PPP1R42: variants seen among roughly 807,000 people sequenced by gnomAD.
The protein encoded by PPP1R42 is leucine rich repeat containing 67.
In PPP1R42, 34 loss-of-function variants were observed where a neutral mutation model predicts 31.0. The ratio of observed to expected loss-of-function variants is 1.10; its 90% CI spans 0.83 to 1.46. The LOEUF (loss-of-function observed/expected upper bound fraction) is 1.46, where lower values mean the gene tolerates loss of function less well. PPP1R42 is among the 40% of genes most tolerant of loss of function. PPP1R42 has a pLI of 0.00. For missense variants in PPP1R42, 268 were observed against 303.0 expected (o/e 0.88, Z 0.86); for synonymous variants, 103 against 109.8 (o/e 0.94, Z 0.39).
intron 2 of PPP1R42, among the ~76,000 whole-genome samples, chr8:67,015,348 T>A (rs1815983824): frequency 6.6e-6 from 1 of 152,166 alleles, no homozygotes; most frequent in Non-Finnish European, 1.5e-5. Flanking sequence ...ACTATGATAA[T>A]GCTATCAAAA....
At chr8:67,002,665 GTGTT>G (rs904492591) in intron 5 of PPP1R42, among the ~76,000 whole-genome samples, 3 of 144,736 alleles carry the variant, frequency 2.1e-5, no homozygotes, top group Admixed American at 6.9e-5. Context: ...TTGTTGTTCT[GTGTT>G]TGTTTGCTTG....
intron 2 of PPP1R42, 30 bp downstream of exon 2, chr8:67,017,589 T>G (rs1170747071): frequency 8.9e-6 from 11 of 1,230,268 alleles, no homozygotes; most frequent in African/African-American, 1.6e-5. Flanking sequence ...ATTAATTATA[T>G]AAAATAGGAA....
chr8:66,974,005 G>A (rs1814605672), intron 7 of PPP1R42, among the ~76,000 whole-genome samples: 1 of 152,110 alleles, frequency 6.6e-6, no homozygotes, highest in African/African-American at 2.4e-5. Context: ...CATGTACCTT[G>A]TTTCCGCATC....
intron 1 of PPP1R42, among the ~76,000 whole-genome samples, chr8:67,020,944 A>C (rs1385866095): frequency 6.6e-6 from 1 of 152,180 alleles, no homozygotes; most frequent in Non-Finnish European, 1.5e-5. Flanking sequence ...GAGGGAGACT[A>C]TCTCTAAATA....
intron 1 of PPP1R42, among the ~76,000 whole-genome samples, chr8:67,025,988 G>C (rs1271250201): frequency 2.8e-5 from 4 of 144,352 alleles, no homozygotes; most frequent in African/African-American, 1.0e-4. Flanking sequence ...CTGGGCGATA[G>C]AGTGAGACTC....
Position 67,014,444 on chromosome 8 carries a change from A to G in PPP1R42, c.278T>C (p.Leu93Ser), listed in dbSNP as rs751201100. The change falls in exon 3 of 8, where the codon TTA becomes TCA. Residue 93 changes from leucine (L) to serine (S), a missense_variant. Coordinates refer to ENST00000685739, the MANE Select transcript of PPP1R42 (RefSeq NM_001364910.1). ...CACTTACAGTTTTTCCAGTTTCTTTAATGACCTGAGGTTCTCTATACATGA... is the reference window on the plus strand; with the variant it reads ...CACTTACAGTTTTTCCAGTTTCTTTGATGACCTGAGGTTCTCTATACATGA... Reference protein sequence around the residue: ...CISCIENLRSLKKLEKLYLGG... With the variant: ...CISCIENLRSSKKLEKLYLGG... 3 of 1,510,878 alleles carry G rather than the reference A, an allele frequency of 2.0e-6. No homozygotes were observed. Among genetic ancestry groups the G allele is most frequent in the African/African-American group, 1.4e-5 (1 of 70,156 alleles). The allele number at this position is 1,510,878 out of a possible 1,614,324, so 93.6% of individuals were successfully genotyped here. A position where few individuals can be genotyped will look rare whatever the true frequency, so the allele number is the denominator to read the frequency against.
At chr8:66,985,359 C>T (rs1341880745) in intron 6 of PPP1R42, 11 of 762,918 alleles carry the variant, frequency 1.4e-5, no homozygotes, top group African/African-American at 8.7e-5. Context: ...TGGTTCCCTC[C>T]GAAGAGGGAA....
chr8:66,976,149 C>T (rs1217162758), intron 7 of PPP1R42, among the ~76,000 whole-genome samples: 3 of 152,014 alleles, frequency 2.0e-5, no homozygotes, highest in African/African-American at 7.2e-5. Flanking sequence ...GTGAACTGTG[C>T]ATGCGAGGGA....
In PPP1R42 at chr8:67,003,807, G is replaced by A. The variant is rs967585185; in HGVS notation, c.552+6908C>T. ...CAGTAGTATTAAGAGATAGGCCTTT[G>A]GGGCTGGGTGCGGTGGCTCACGCCT... On this transcript the variant is annotated intron_variant, in intron 5 of 7. Transcript: ENST00000685739. 2.0e-5 allele frequency among the ~76,000 whole-genome samples: 3 copies of A among 152,174 alleles called. No homozygotes were observed. The East Asian group carries it at 5.8e-4, about 29-fold the overall frequency.
chr8:66,985,047 G>A (rs1406211151), intron 6 of PPP1R42: 13 of 1,422,746 alleles, frequency 9.1e-6, no homozygotes, highest in East Asian at 6.8e-5. Context: ...TGGGGATTAT[G>A]TAAGAGTCCC....
chr8:66,999,914 C>T (rs1815434996), intron 5 of PPP1R42, among the ~76,000 whole-genome samples: 1 of 152,150 alleles, frequency 6.6e-6, no homozygotes, highest in Non-Finnish European at 1.5e-5. Context: ...ACAACATTCC[C>T]TTCTTATCCT....
At chr8:67,026,689 G>A (rs7812510) in intron 1 of PPP1R42, among the ~76,000 whole-genome samples, 18,657 of 151,756 alleles carry the variant, frequency 0.12, 2,252 homozygotes, top group African/African-American at 0.31. Flanking sequence ...TAAATGAGCC[G>A]GGCATGGTGG....
intron 1 of PPP1R42, among the ~76,000 whole-genome samples, chr8:67,024,340 G>C (rs988196134): frequency 6.6e-6 from 1 of 152,062 alleles, no homozygotes; most frequent in Non-Finnish European, 1.5e-5. Flanking sequence ...GTATGACAGG[G>C]TCTCACTCTG....
chr8:66,983,240 T>A (rs1439348124), intron 6 of PPP1R42, among the ~76,000 whole-genome samples: 1 of 152,156 alleles, frequency 6.6e-6, no homozygotes. Flanking sequence ...ATCCTCTATA[T>A]TAGTTTTGCA....
At chr8:67,014,362 C>CA (rs1278967349) in intron 3 of PPP1R42, 64 bp downstream of exon 3, 13 of 985,392 alleles carry the variant, frequency 1.3e-5, no homozygotes, top group African/African-American at 1.7e-5. Flanking sequence ...TGCCTTCATG[C>CA]AAAAAAATGT....
intron 1 of PPP1R42, among the ~76,000 whole-genome samples, chr8:67,026,534 T>C (rs1816402561): frequency 6.6e-6 from 1 of 151,942 alleles, no homozygotes; most frequent in African/African-American, 2.4e-5. Context: ...TTTATTCTCC[T>C]GCTTTTAAGA....
chr8:67,010,359 T>C (rs1815806713), intron 5 of PPP1R42, among the ~76,000 whole-genome samples: 1 of 152,222 alleles, frequency 6.6e-6, no homozygotes, highest in South Asian at 2.1e-4. Context: ...AGTTCAGGTC[T>C]AGTCACAGTT....
At chr8:67,001,034 T>A (rs1047811859) in intron 5 of PPP1R42, among the ~76,000 whole-genome samples, 11 of 152,192 alleles carry the variant, frequency 7.2e-5, no homozygotes, top group African/African-American at 2.4e-4. Flanking sequence ...GAGTTGGCAC[T>A]TTTTATCATT....
At chr8:66,972,634 C>T (rs1443593916) in intron 7 of PPP1R42, among the ~76,000 whole-genome samples, 2 of 152,130 alleles carry the variant, frequency 1.3e-5, no homozygotes, top group East Asian at 3.9e-4. Context: ...AGGTGATCTG[C>T]CCACCTCAGC....
Sources: gnomAD v4.1 joint callset for allele counts (sites outside exome capture counted in the v4.1 genomes callset) on GRCh38, gnomAD v4.1.1 for gene constraint, MANE v1.5 for transcripts, NCBI Gene and HGNC (gene_info 2026-07-23, HGNC 2026-07-21) for gene names.